Variants in CDC14B observed in about 807,000 individuals in gnomAD.
CDC14B encodes dual specificity protein phosphatase CDC14B.
Under a neutral mutation model 64.2 loss-of-function variants are expected in CDC14B, and 22 were observed. The ratio of observed to expected loss-of-function variants is 0.34; its 90% CI spans 0.24 to 0.49. The LOEUF (loss-of-function observed/expected upper bound fraction) is 0.49. Ranked by LOEUF, CDC14B falls within the 20% of genes least tolerant of loss-of-function variation. The pLI is 0.99. For missense variants in CDC14B, 498 were observed against 629.9 expected (o/e 0.79, Z 2.24); for synonymous variants, 191 against 215.8 (o/e 0.89, Z 1.01).
At chr9:96,551,959 C>T in intron 4 of CDC14B, 87 bp from the exon 5 acceptor site, 1 of 1,496,048 alleles carries the variant, frequency 6.7e-7, no homozygotes, top group East Asian at 2.4e-5. Flanking sequence ...GTCCAATTTC[C>T]AACCAACTGA....
chr9:96,594,626 A>G (rs1357341914), intron 1 of CDC14B, among the ~76,000 whole-genome samples: 2 of 149,694 alleles, frequency 1.3e-5, no homozygotes, highest in Non-Finnish European at 3.0e-5. Flanking sequence ...CTGAGGAATG[A>G]GAATCACTTG....
intron 1 of CDC14B, among the ~76,000 whole-genome samples, chr9:96,570,394 G>A (rs1320661383): frequency 2.6e-5 from 4 of 152,162 alleles, no homozygotes; most frequent in African/African-American, 9.7e-5. Flanking sequence ...CCTTGAACTG[G>A]GTGTATGGCC....
At chr9:96,601,810 A>ACAAAAACAAAACAAAAC (rs1215387891) in intron 1 of CDC14B, among the ~76,000 whole-genome samples, 1 of 150,152 alleles carries the variant, frequency 6.7e-6, no homozygotes, top group East Asian at 2.0e-4. Context: ...AAAAAAAAAA[A>ACAAAAACAAAACAAAAC]AAAAATTGGG....
intron 1 of CDC14B, among the ~76,000 whole-genome samples, chr9:96,615,134 C>T (rs1465804810): frequency 6.6e-6 from 1 of 152,170 alleles, no homozygotes. Context: ...AGACACTGTG[C>T]CCGGCCTACA....
At chr9:96,614,607 T>G (rs1401309857) in intron 1 of CDC14B, among the ~76,000 whole-genome samples, 1 of 152,160 alleles carries the variant, frequency 6.6e-6, no homozygotes, top group Non-Finnish European at 1.5e-5. Context: ...TTTTTTTTCC[T>G]GAGGAAAGGA....
At chr9:96,529,552 C>T (rs989826313) in intron 9 of CDC14B, among the ~76,000 whole-genome samples, 1 of 146,332 alleles carries the variant, frequency 6.8e-6, no homozygotes, top group East Asian at 2.0e-4. Context: ...AATGCAATGG[C>T]ACAATCATGG....
At chr9:96,536,401 A>G (rs565711245) in intron 7 of CDC14B, among the ~76,000 whole-genome samples, 2 of 152,350 alleles carry the variant, frequency 1.3e-5, no homozygotes, top group African/African-American at 4.8e-5. Flanking sequence ...TTACATAGAC[A>G]AAGTAACTTG....
chr9:96,556,344 A>T (rs894164613), intron 4 of CDC14B, among the ~76,000 whole-genome samples: 13 of 146,886 alleles, frequency 8.9e-5, no homozygotes, highest in Non-Finnish European at 1.5e-4. Flanking sequence ...ATTGATTATT[A>T]AAAAAAAAAA....
intron 12 of CDC14B, among the ~76,000 whole-genome samples, chr9:96,517,078 G>T (rs1835791635): frequency 6.6e-6 from 1 of 151,424 alleles, no homozygotes; most frequent in African/African-American, 2.4e-5. Flanking sequence ...AGTGGCTCAT[G>T]CCTGTAATCC....
At chr9:96,599,123 T>C (rs1171777165) in intron 1 of CDC14B, among the ~76,000 whole-genome samples, 1 of 152,198 alleles carries the variant, frequency 6.6e-6, no homozygotes, top group Admixed American at 6.5e-5. Context: ...CTCACACCTG[T>C]AATCCCAGCA....
At chr9:96,546,935 G>A (rs1450395067) in intron 5 of CDC14B, among the ~76,000 whole-genome samples, 3 of 151,904 alleles carry the variant, frequency 2.0e-5, no homozygotes, top group Non-Finnish European at 4.4e-5. Flanking sequence ...GGTGGCAGGC[G>A]CCTGTAGTCC....
intron 9 of CDC14B, among the ~76,000 whole-genome samples, chr9:96,533,121 C>G (rs144865713): frequency 6.6e-6 from 1 of 152,262 alleles, no homozygotes; most frequent in East Asian, 1.9e-4. Context: ...TATCCGTCAC[C>G]ACACCCAGCT....
intron 1 of CDC14B, among the ~76,000 whole-genome samples, chr9:96,602,710 A>T (rs1846577761): frequency 6.6e-6 from 1 of 152,144 alleles, no homozygotes; most frequent in Non-Finnish European, 1.5e-5. Flanking sequence ...GCTACAATTC[A>T]TGAGATTTGG....
At chr9:96,527,981 C>A (rs59335294) in intron 9 of CDC14B, among the ~76,000 whole-genome samples, 7,910 of 152,222 alleles carry the variant, frequency 0.052, 694 homozygotes, top group African/African-American at 0.18. Context: ...AACCACCAAT[C>A]TACTTTCTCT....
intron 13 of CDC14B, among the ~76,000 whole-genome samples, chr9:96,494,869 C>CT (rs1214047885): frequency 6.8e-6 from 1 of 147,310 alleles, no homozygotes; most frequent in African/African-American, 2.5e-5. Flanking sequence ...GAGTCTCGCT[C>CT]TGTCGCCCAG....
At position 96,502,820 on chromosome 9, in the gene CDC14B, C is replaced by G; in HGVS notation, c.*933G>C. 2.5e-6 allele frequency: 1 copy of G among 398,246 alleles called. No individual in the cohort carries two copies. The highest frequency in any genetic ancestry group is 4.4e-6 in the Non-Finnish European group (1 of 225,946). 24.7% of individuals were successfully genotyped at this position (398,246 alleles called of 1,614,324 possible). A position where few individuals can be genotyped will look rare whatever the true frequency, so the allele number is the denominator to read the frequency against. ...GATCTCATAAGGGAAAAAAAAAATCCAATGTTACAGGGAAGGACTCTAAAA... is the reference window on the plus strand; with the variant it reads ...GATCTCATAAGGGAAAAAAAAAATCGAATGTTACAGGGAAGGACTCTAAAA... On this transcript the variant is annotated 3_prime_UTR_variant, in exon 14 of 14. Coordinates refer to ENST00000375241, the MANE Select transcript of CDC14B (RefSeq NM_033331.4).
intron 1 of CDC14B, among the ~76,000 whole-genome samples, chr9:96,581,789 C>T (rs963329615): frequency 6.6e-6 from 1 of 152,178 alleles, no homozygotes; most frequent in South Asian, 2.1e-4. Context: ...GTGTCCTCTG[C>T]ATCCCTGTTC....
At chr9:96,567,479 A>G (rs1368418527) in intron 1 of CDC14B, among the ~76,000 whole-genome samples, 1 of 152,242 alleles carries the variant, frequency 6.6e-6, no homozygotes, top group Non-Finnish European at 1.5e-5. Context: ...CATCTTCAAA[A>G]TCGTGCAAGA....
chr9:96,559,420 G>A (rs1842879980), intron 4 of CDC14B, among the ~76,000 whole-genome samples: 1 of 152,094 alleles, frequency 6.6e-6, no homozygotes, highest in South Asian at 2.1e-4. Context: ...CAAAATTCCT[G>A]ACGACTCCAG....
Sources: allele counts gnomAD v4.1 joint callset (sites outside exome capture counted in the v4.1 genomes callset), GRCh38; gene constraint gnomAD v4.1.1; transcripts MANE v1.5; gene names NCBI Gene and HGNC (gene_info 2026-07-23, HGNC 2026-07-21).